LASP1: variants seen among roughly 807,000 people sequenced by gnomAD.
The protein encoded by LASP1 is LIM and SH3 protein 1, also known as LIM and SH3 domain protein 1.
Under a neutral mutation model 38.6 loss-of-function variants are expected in LASP1, and 10 were observed. The observed-to-expected ratio is 0.26, with a 90% CI of 0.16 to 0.44. The LOEUF (loss-of-function observed/expected upper bound fraction) is 0.44, where lower values mean the gene tolerates loss of function less well. LASP1 is among the 20% of genes least tolerant of loss of function. The pLI, the probability that LASP1 is intolerant of heterozygous loss-of-function variation, is 1.00. For synonymous variants in LASP1, 132 were observed against 140.8 expected, an observed-to-expected ratio of 0.94 and a Z score of 0.44; for missense variants, 243 against 375.7, an observed-to-expected ratio of 0.65 and a Z score of 2.92.
intron 1 of LASP1, among the ~76,000 whole-genome samples, chr17:38,872,603 G>C (rs1042827905): frequency 2.0e-5 from 3 of 152,200 alleles, no homozygotes; most frequent in South Asian, 4.1e-4. Context: ...CCTGGAGGAT[G>C]CTGGGCTGTG....
intron 2 of LASP1, among the ~76,000 whole-genome samples, chr17:38,880,376 G>A (rs1323995621): frequency 3.9e-5 from 6 of 152,236 alleles, no homozygotes; most frequent in African/African-American, 1.4e-4. Context: ...AGGTTGGGTG[G>A]AGGGCTCCTG....
At chr17:38,893,576 G>A (rs1914401838) in intron 3 of LASP1, among the ~76,000 whole-genome samples, 2 of 152,160 alleles carry the variant, frequency 1.3e-5, no homozygotes, top group Non-Finnish European at 2.9e-5. Flanking sequence ...GGCAGGGGAG[G>A]AAAGGGTACT....
chr17:38,872,856 C>T (rs1913650945), intron 1 of LASP1, among the ~76,000 whole-genome samples: 1 of 152,130 alleles, frequency 6.6e-6, no homozygotes, highest in Non-Finnish European at 1.5e-5. Context: ...ACCTTGTCAC[C>T]TCTGAAGGCC....
At chr17:38,907,082 C>T (rs534384347) in intron 4 of LASP1, among the ~76,000 whole-genome samples, 1 of 152,172 alleles carries the variant, frequency 6.6e-6, no homozygotes, top group Non-Finnish European at 1.5e-5. Flanking sequence ...TAACATCCCC[C>T]TCATGTGCCT....
At chr17:38,914,741 A>G (rs523120) in intron 5 of LASP1, among the ~76,000 whole-genome samples, 107,552 of 151,378 alleles carry the variant, frequency 0.71, 39,329 homozygotes, top group African/African-American at 0.9. Context: ...GGCGAGGAAA[A>G]GACTGCTTCC....
chr17:38,906,791 A>G (rs1227632934), intron 4 of LASP1, among the ~76,000 whole-genome samples: 1 of 152,162 alleles, frequency 6.6e-6, no homozygotes, highest in Non-Finnish European at 1.5e-5. Flanking sequence ...CTAACTTGTC[A>G]TCCTGGAGTC....
chr17:38,886,117 T>TCTCTCA (rs1317366198), intron 2 of LASP1, among the ~76,000 whole-genome samples: 3 of 151,308 alleles, frequency 2.0e-5, no homozygotes, highest in African/African-American at 4.9e-5. Flanking sequence ...TCTCACTCGC[T>TCTCTCA]CTCTCACTCT....
chr17:38,888,372 G>C (rs954863251), intron 2 of LASP1, among the ~76,000 whole-genome samples: 1 of 151,944 alleles, frequency 6.6e-6, no homozygotes, highest in Non-Finnish European at 1.5e-5. Flanking sequence ...CCACCTCCCA[G>C]GTTCAAGTGA....
intron 4 of LASP1, among the ~76,000 whole-genome samples, chr17:38,902,673 CCA>C (rs1214151264): frequency 2.0e-5 from 3 of 151,930 alleles, no homozygotes; most frequent in Non-Finnish European, 4.4e-5. Flanking sequence ...CCAAATGACT[CCA>C]GTTACTTTAT....
At chr17:38,884,480 T>C (rs569393167) in intron 2 of LASP1, among the ~76,000 whole-genome samples, 3 of 151,662 alleles carry the variant, frequency 2.0e-5, no homozygotes, top group African/African-American at 7.3e-5. Context: ...CTCTGCCTCC[T>C]GGGTTCAAGC....
chr17:38,899,747 CTTTT>C (rs34397105), intron 4 of LASP1, among the ~76,000 whole-genome samples: 2 of 136,132 alleles, frequency 1.5e-5, no homozygotes, highest in Non-Finnish European at 1.6e-5. Flanking sequence ...GCGTTCAGAT[CTTTT>C]TTTTTTTTTT....
intron 2 of LASP1, among the ~76,000 whole-genome samples, chr17:38,884,450 C>T: frequency 6.6e-6 from 1 of 150,818 alleles, no homozygotes. Context: ...TGCAATGGCG[C>T]AATCTTGGCT....
At chr17:38,879,222 C>T (rs914667915) in intron 2 of LASP1, among the ~76,000 whole-genome samples, 2 of 142,936 alleles carry the variant, frequency 1.4e-5, no homozygotes, top group Non-Finnish European at 3.0e-5. Context: ...GTGGCGCGAT[C>T]TTGGCTCACT....
At chr17:38,872,397 C>T (rs964238833) in intron 1 of LASP1, among the ~76,000 whole-genome samples, 15 of 152,182 alleles carry the variant, frequency 9.9e-5, no homozygotes, top group South Asian at 4.1e-4. Context: ...TGGAAGAGGA[C>T]GTTCAAGTGG....
intron 4 of LASP1, chr17:38,904,023 A>C (rs941899315): frequency 3.9e-5 from 6 of 152,180 alleles, no homozygotes; most frequent in Non-Finnish European, 5.9e-5. Context: ...TTATTTACTT[A>C]CATATTGATT....
At chr17:38,903,009 A>T (rs1384021717) in intron 4 of LASP1, among the ~76,000 whole-genome samples, 1 of 152,080 alleles carries the variant, frequency 6.6e-6, no homozygotes, top group Non-Finnish European at 1.5e-5. Context: ...AGCTGACTCC[A>T]GTTATTTCTA....
At chr17:38,902,273 C>CTGGT (rs1000698647) in intron 4 of LASP1, among the ~76,000 whole-genome samples, 1 of 151,132 alleles carries the variant, frequency 6.6e-6, no homozygotes, top group African/African-American at 2.4e-5. Flanking sequence ...GTTGCCCAGG[C>CTGGT]TGGTCTCAAA....
At chr17:38,904,721 A>T (rs917049433) in intron 4 of LASP1, 9 of 152,218 alleles carry the variant, frequency 5.9e-5, no homozygotes, top group African/African-American at 2.2e-4. Context: ...AACTTTGAAG[A>T]TATCTTTGCT....
chr17:38,913,659 T>C (rs900857095), intron 4 of LASP1, among the ~76,000 whole-genome samples: 2 of 152,040 alleles, frequency 1.3e-5, no homozygotes, highest in Non-Finnish European at 2.9e-5. Flanking sequence ...GTGGTTACTG[T>C]GGACCCAGGC....
Sources: allele counts gnomAD v4.1 joint callset (sites outside exome capture counted in the v4.1 genomes callset), GRCh38; gene constraint gnomAD v4.1.1; transcripts MANE v1.5; gene names NCBI Gene and HGNC (gene_info 2026-07-23, HGNC 2026-07-21).